Variants in NECAB1 observed in about 807,000 individuals in gnomAD.
NECAB1 encodes the protein N-terminal EF-hand calcium binding protein 1, also known as N-terminal EF-hand calcium-binding protein 1.
In NECAB1, 29 loss-of-function variants were observed where a neutral mutation model predicts 57.5. The ratio of observed to expected loss-of-function variants is 0.50; its 90% CI spans 0.38 to 0.69. NECAB1 has a LOEUF of 0.69. Ranked by LOEUF, NECAB1 falls within the 30% of genes least tolerant of loss-of-function variation. NECAB1 has a pLI of 0.00. For synonymous variants in NECAB1, 142 were observed against 147.7 expected, an observed-to-expected ratio of 0.96 and a Z score of 0.28; for missense variants, 372 against 413.8, an observed-to-expected ratio of 0.90 and a Z score of 0.88.
chr8:90,868,448 T>C (rs1211215234), intron 3 of NECAB1, among the ~76,000 whole-genome samples: 2 of 152,134 alleles, frequency 1.3e-5, no homozygotes, highest in Non-Finnish European at 2.9e-5. Flanking sequence ...AAAATGTCCA[T>C]AGTGATATGG....
intron 3 of NECAB1, among the ~76,000 whole-genome samples, chr8:90,866,074 A>T (rs1193124811): frequency 6.6e-6 from 1 of 152,194 alleles, no homozygotes; most frequent in Non-Finnish European, 1.5e-5. Flanking sequence ...CAGATATTTG[A>T]TCATTCTTCT....
chr8:90,947,406 CTT>C (rs11350840), intron 10 of NECAB1, among the ~76,000 whole-genome samples: 10 of 98,232 alleles, frequency 1.0e-4, no homozygotes, highest in East Asian at 2.7e-4. Context: ...TTTTTTTTTT[CTT>C]TTTTTTTTTT....
intron 5 of NECAB1, among the ~76,000 whole-genome samples, chr8:90,900,324 A>G (rs1199045264): frequency 6.6e-6 from 1 of 152,216 alleles, no homozygotes; most frequent in Admixed American, 6.5e-5. Flanking sequence ...AGGGTAGAGT[A>G]GGCATGACAG....
At chr8:90,808,634 T>C (rs1353008143) in intron 2 of NECAB1, among the ~76,000 whole-genome samples, 2 of 143,044 alleles carry the variant, frequency 1.4e-5, no homozygotes, top group Non-Finnish European at 3.0e-5. Flanking sequence ...ATCCTTTTTT[T>C]CTTTTCTTTT....
intron 5 of NECAB1, among the ~76,000 whole-genome samples, chr8:90,899,167 C>T (rs1037442256): frequency 2.0e-5 from 3 of 152,194 alleles, no homozygotes; most frequent in Admixed American, 2.0e-4. Flanking sequence ...CTTACACCAT[C>T]CTTAGTCCTT....
chr8:90,791,778 C>T lies in NECAB1; in HGVS notation c.-109C>T. ...GGCGCGCGCGGGAGCGAACACCCTCCCGGATCCAGAGCCCGGCGGCGGCGA... is the reference window on the plus strand; with the variant it reads ...GGCGCGCGCGGGAGCGAACACCCTCTCGGATCCAGAGCCCGGCGGCGGCGA... On this transcript the variant is annotated 5_prime_UTR_variant, in exon 1 of 13. Coordinates refer to ENST00000417640, the MANE Select transcript of NECAB1 (RefSeq NM_022351.5). The T allele has an allele frequency of 1.2e-6, 1 of 833,810 alleles. No homozygotes were observed. The highest frequency in any genetic ancestry group is 1.9e-6 in the Non-Finnish European group (1 of 533,556). The allele number at this position is 833,810 out of a possible 1,614,324, so 51.7% of individuals were successfully genotyped here.
At chr8:90,807,421 A>G (rs1811867246) in intron 2 of NECAB1, among the ~76,000 whole-genome samples, 1 of 152,226 alleles carries the variant, frequency 6.6e-6, no homozygotes, top group African/African-American at 2.4e-5. Flanking sequence ...AAGGTTCGGT[A>G]CGTATGAGTA....
At chr8:90,906,885 A>ATATGTATATATATATATATATG (rs1554574058) in intron 5 of NECAB1, among the ~76,000 whole-genome samples, 1 of 120,926 alleles carries the variant, frequency 8.3e-6, no homozygotes, top group African/African-American at 3.5e-5. Flanking sequence ...ACATATATAT[A>ATATGTATATATATATATATATG]TATATATATA....
Position 90,807,511 on chromosome 8 carries a change from G to A in NECAB1, c.124+5796G>A, listed in dbSNP as rs776318241. Among the ~76,000 whole-genome samples, 3 of 152,126 alleles carry A rather than the reference G, an allele frequency of 2.0e-5. No homozygotes were observed. In the South Asian group the frequency reaches 6.2e-4, roughly 32 times the overall value. The stretch of plus-strand genomic sequence containing the variant: ...CTGTGATTCTGTCTTTCGCACTTGG[G>A]AATAAAGCTGCCCTTTGATGTGAGC... On this transcript the variant is annotated intron_variant, in intron 2 of 12. Transcript: ENST00000417640.
At chr8:90,859,834 T>C (rs1812864105) in intron 3 of NECAB1, among the ~76,000 whole-genome samples, 1 of 152,116 alleles carries the variant, frequency 6.6e-6, no homozygotes, top group South Asian at 2.1e-4. Context: ...CTTTTTTTAC[T>C]TTTTCAAATT....
intron 5 of NECAB1, among the ~76,000 whole-genome samples, chr8:90,916,429 C>T (rs1012203458): frequency 1.3e-5 from 2 of 152,136 alleles, no homozygotes; most frequent in African/African-American, 4.8e-5. Context: ...CTAAATCTTA[C>T]TTGTTTGGGT....
chr8:90,937,259 G>A (rs887807334), intron 9 of NECAB1, among the ~76,000 whole-genome samples: 1 of 152,162 alleles, frequency 6.6e-6, no homozygotes, highest in Admixed American at 6.5e-5. Flanking sequence ...TCCAGGCCTG[G>A]AGATAGGGTC....
intron 10 of NECAB1, among the ~76,000 whole-genome samples, chr8:90,941,518 AAT>A (rs1201129696): frequency 6.6e-6 from 1 of 152,200 alleles, no homozygotes; most frequent in Non-Finnish European, 1.5e-5. Flanking sequence ...TGGTTCAATA[AAT>A]AGTTACTATA....
chr8:90,847,878 T>C (rs7006384), intron 3 of NECAB1, among the ~76,000 whole-genome samples: 49,210 of 152,116 alleles, frequency 0.32, 9,198 homozygotes, highest in East Asian at 0.73. Flanking sequence ...ACCATTTTTT[T>C]CGCCTTGGCC....
Position 90,934,319 on chromosome 8 carries a change from C to T in NECAB1, c.709C>T (p.Pro237Ser). 1 of 1,513,814 alleles carries T rather than the reference C, an allele frequency of 6.6e-7. No homozygotes were observed. Among genetic ancestry groups the T allele is most frequent in the African/African-American group, 1.4e-5 (1 of 71,348 alleles). 93.8% of individuals were successfully genotyped at this position (1,513,814 alleles called of 1,614,324 possible). A position where few individuals can be genotyped will look rare whatever the true frequency, so the allele number is the denominator to read the frequency against. ...RLEKKDLKLEPPEEEIIEGNT... is the reference protein window; with the variant it reads ...RLEKKDLKLESPEEEIIEGNT... ...CTTATTGAAGGATCTCAAACTCGAA[C>T]CACCAGAAGAAGAAATTATTGAAGG... Residue 237 changes from proline to serine, a missense_variant, in exon 9 of 13, where the codon CCA becomes TCA. Physicochemically the swap from Pro to Ser is moderately conservative, Grantham distance 74 (BLOSUM62 -1). Transcript: ENST00000417640.
chr8:90,933,862 A>G (rs1192179689), intron 8 of NECAB1, among the ~76,000 whole-genome samples: 1 of 152,186 alleles, frequency 6.6e-6, no homozygotes, highest in Non-Finnish European at 1.5e-5. Context: ...ACCAGGGTAT[A>G]AATGTATTGT....
intron 3 of NECAB1, among the ~76,000 whole-genome samples, chr8:90,841,276 A>T (rs1464765278): frequency 1.3e-5 from 2 of 152,048 alleles, no homozygotes; most frequent in African/African-American, 2.4e-5. Context: ...AATAAAAAAA[A>T]AAAAGGGACC....
chr8:90,879,587 G>T (rs1490557299), intron 4 of NECAB1, among the ~76,000 whole-genome samples: 1 of 151,978 alleles, frequency 6.6e-6, no homozygotes, highest in Non-Finnish European at 1.5e-5. Flanking sequence ...CTTTTTGCTT[G>T]TTTCAACATA....
intron 3 of NECAB1, among the ~76,000 whole-genome samples, chr8:90,871,522 T>G (rs1032954570): frequency 6.6e-6 from 1 of 152,176 alleles, no homozygotes; most frequent in African/African-American, 2.4e-5. Context: ...TGATGAGTAA[T>G]TTGATTTCTT....
Sources: gnomAD v4.1 joint callset for allele counts (sites outside exome capture counted in the v4.1 genomes callset) on GRCh38, gnomAD v4.1.1 for gene constraint, MANE v1.5 for transcripts, NCBI Gene and HGNC (gene_info 2026-07-23, HGNC 2026-07-21) for gene names.